Variants in TXNDC11 observed in about 807,000 individuals in gnomAD.
TXNDC11 encodes thioredoxin domain containing 11.
TXNDC11 carries 68 observed loss-of-function variants against 78.0 expected under a neutral mutation model. That is an observed-to-expected ratio of 0.87 (90% CI 0.72 to 1.07). TXNDC11 has a LOEUF of 1.07. Among genes scored for constraint, TXNDC11 ranks in the 50% least tolerant of loss-of-function variants. TXNDC11 has a pLI of 0.00. For missense variants in TXNDC11, 1,389 were observed against 1,221.8 expected (o/e 1.14, Z -2.04); for synonymous variants, 571 against 495.2 (o/e 1.15, Z -2.03).
At chr16:11,683,360 G>A (rs2050481487) in intron 11 of TXNDC11, among the ~76,000 whole-genome samples, 1 of 152,166 alleles carries the variant, frequency 6.6e-6, no homozygotes, top group Non-Finnish European at 1.5e-5. Flanking sequence ...ACGCATGGGA[G>A]AAAACCCCTT....
chr16:11,710,235 G>A (rs574787220), intron 5 of TXNDC11, among the ~76,000 whole-genome samples: 6 of 151,574 alleles, frequency 4.0e-5, no homozygotes, highest in South Asian at 2.1e-4. Context: ...GGGAAGGAAG[G>A]ACTCTGCAAA....
chr16:11,711,648 A>C (rs966842671), intron 5 of TXNDC11, among the ~76,000 whole-genome samples: 1 of 152,212 alleles, frequency 6.6e-6, no homozygotes, highest in Non-Finnish European at 1.5e-5. Context: ...TCAGCTGATT[A>C]GCAATCTAAT....
Position 11,700,458 on chromosome 16 carries a change from T to A in TXNDC11, c.900A>T (p.Thr300=), listed in dbSNP as rs138862303. 216 of 1,457,730 alleles carry A rather than the reference T, an allele frequency of 1.5e-4. No homozygotes were observed. The highest frequency in any genetic ancestry group is 3.5e-4 in the Middle Eastern group (2 of 5,698). The allele number at this position is 1,457,730 out of a possible 1,614,324, so 90.3% of individuals were successfully genotyped here. A position where few individuals can be genotyped will look rare whatever the true frequency, so the allele number is the denominator to read the frequency against. The stretch of plus-strand genomic sequence containing the variant: ...GTGATTTCAAAATACTTACAAGTGA[T>A]GTGTTGAAATGTCTATGTAAATACA... ...GSVYLHRHFN[T]SLVFPREVLN... The change falls in exon 6 of 12, where the codon ACA becomes ACT. Residue 300 remains threonine, a synonymous_variant. Transcript: ENST00000283033.
At chr16:11,683,664 G>C (rs1302304364) in intron 11 of TXNDC11, among the ~76,000 whole-genome samples, 2 of 151,698 alleles carry the variant, frequency 1.3e-5, no homozygotes, top group Non-Finnish European at 2.9e-5. Flanking sequence ...TCGGGTAAGA[G>C]ATAGACTGGG....
intron 5 of TXNDC11, among the ~76,000 whole-genome samples, chr16:11,703,056 CCACAGTGATGTATCA>C (rs750248202): frequency 9.1e-4 from 138 of 152,214 alleles, no homozygotes; most frequent in Admixed American, 2.1e-3. Flanking sequence ...ACTCCTAGGG[CCACAGTGATGTATCA>C]CACACCCTTC....
intron 5 of TXNDC11, among the ~76,000 whole-genome samples, chr16:11,718,612 C>T (rs1370640646): frequency 6.6e-6 from 1 of 151,974 alleles, no homozygotes; most frequent in Non-Finnish European, 1.5e-5. Context: ...ATGCCCAAGG[C>T]AAGATTTACT....
chr16:11,703,861 G>A, intron 5 of TXNDC11: 1 of 605,282 alleles, frequency 1.7e-6, no homozygotes, highest in Admixed American at 2.3e-5. Context: ...GGAGGCCAAG[G>A]CGGGTGGATC....
Position 11,679,901 on chromosome 16 carries a change from G to A in TXNDC11, c.2235-64C>T. On this transcript the variant is annotated intron_variant, in intron 11 of 11. Transcript: ENST00000283033. This position sits in a 1 kb window ranked among gnomAD's most constrained non-coding sequence, Gnocchi z 4.6. ...ACCAACACAATGAGTCCAAAAGCAG[G>A]CTGTACCTGAGGCCAGGCCATCTAC... 7.0e-7 allele frequency: 1 copy of A among 1,429,906 alleles called. No individual in the cohort carries two copies. Among genetic ancestry groups the A allele is most frequent in the Non-Finnish European group, 9.6e-7 (1 of 1,040,698 alleles). 88.6% of individuals were successfully genotyped at this position (1,429,906 alleles called of 1,614,324 possible). A position where few individuals can be genotyped will look rare whatever the true frequency, so the allele number is the denominator to read the frequency against.
At chr16:11,689,081 A>T (rs775384264) in intron 8 of TXNDC11, among the ~76,000 whole-genome samples, 29 of 140,640 alleles carry the variant, frequency 2.1e-4, no homozygotes, top group Non-Finnish European at 3.9e-4. Context: ...ACTAATTTGA[A>T]TTTCACTTTT....
intron 4 of TXNDC11, among the ~76,000 whole-genome samples, chr16:11,724,437 T>C (rs890763698): frequency 6.6e-6 from 1 of 152,084 alleles, no homozygotes; most frequent in African/African-American, 2.4e-5. Context: ...TCAGTCCTAT[T>C]CCCTTTCCAA....
intron 4 of TXNDC11, 35 bp downstream of exon 4, chr16:11,730,610 T>G (rs199623029): frequency 6.2e-7 from 1 of 1,606,964 alleles, no homozygotes; most frequent in Non-Finnish European, 8.5e-7. Context: ...GTGAAAGGCC[T>G]TGAGTATGGA....
intron 8 of TXNDC11, among the ~76,000 whole-genome samples, chr16:11,689,603 A>G (rs1454779844): frequency 6.6e-6 from 1 of 152,244 alleles, no homozygotes; most frequent in Non-Finnish European, 1.5e-5. Context: ...TTCAGAGAAG[A>G]TACAGAAGAT....
intron 2 of TXNDC11, among the ~76,000 whole-genome samples, chr16:11,734,711 G>A (rs56392104): frequency 0.063 from 9,654 of 152,254 alleles, 450 homozygotes; most frequent in East Asian, 0.16. Flanking sequence ...GCCCAACATG[G>A]GCAACGTGAA....
intron 4 of TXNDC11, among the ~76,000 whole-genome samples, chr16:11,726,510 G>A (rs765862751): frequency 3.3e-5 from 5 of 150,712 alleles, no homozygotes; most frequent in Non-Finnish European, 7.4e-5. Context: ...AACCTGGCAG[G>A]TGGAGGCTGC....
At position 11,696,210 on chromosome 16, in the gene TXNDC11, C is replaced by T. The variant is rs151297353; in HGVS notation, c.1107+1915G>A. Among the ~76,000 whole-genome samples, 297 of 152,220 alleles carry T rather than the reference C, an allele frequency of 2.0e-3. 1 individual carries two copies. Among genetic ancestry groups the T allele is most frequent in the African/African-American group, 7.0e-3 (291 of 41,522 alleles). On this transcript the variant is annotated intron_variant, in intron 7 of 11. Transcript: ENST00000283033. ...TAAACCTGCAGCAACTCCCGTCCCT[C>T]ATGTCTCTGCTCAGGGTCCTCCTTC...
chr16:11,718,268 A>AT (rs1367854507), intron 5 of TXNDC11, among the ~76,000 whole-genome samples: 1 of 150,354 alleles, frequency 6.7e-6, no homozygotes, highest in East Asian at 2.0e-4. Context: ...TTCTAAGACA[A>AT]TTTAAAAAAA....
intron 10 of TXNDC11, among the ~76,000 whole-genome samples, chr16:11,685,383 C>T (rs994807196): frequency 6.6e-5 from 10 of 151,592 alleles, no homozygotes; most frequent in African/African-American, 9.7e-5. Flanking sequence ...TGGTGGCTCA[C>T]GTCTGTAATC....
chr16:11,741,058 C>G (rs528276745), intron 1 of TXNDC11, among the ~76,000 whole-genome samples: 7 of 152,040 alleles, frequency 4.6e-5, no homozygotes, highest in East Asian at 1.9e-4. Context: ...CAGGGCAGCC[C>G]CCACAACACA....
chr16:11,711,745 C>G (rs1234503315), intron 5 of TXNDC11, among the ~76,000 whole-genome samples: 1 of 152,176 alleles, frequency 6.6e-6, no homozygotes, highest in African/African-American at 2.4e-5. Flanking sequence ...TTTAAGGAGC[C>G]CTTATGAGCC....
Sources: allele counts gnomAD v4.1 joint callset (sites outside exome capture counted in the v4.1 genomes callset), GRCh38; gene constraint gnomAD v4.1.1; non-coding constraint Gnocchi (gnomAD v3.1); transcripts MANE v1.5; gene names NCBI Gene and HGNC (gene_info 2026-07-23, HGNC 2026-07-21).